Variants in NALF1 observed in about 807,000 individuals in gnomAD.
NALF1 encodes the protein NALCN channel auxiliary factor 1.
A neutral mutation model predicts 48.4 loss-of-function variants in NALF1; 3 were observed. The observed-to-expected ratio is 0.06, with a 90% CI of 0.03 to 0.16. The LOEUF (loss-of-function observed/expected upper bound fraction) is 0.16. Ranked by LOEUF, NALF1 falls within the 10% of genes least tolerant of loss-of-function variation. The probability of loss-of-function intolerance (pLI) is 1.00; values close to 1 mark genes in which losing one functional copy is unlikely to be tolerated. For missense variants in NALF1, 526 were observed against 571.5 expected (o/e 0.92, Z 0.81); for synonymous variants, 262 against 245.7 (o/e 1.07, Z -0.62).
chr13:107,208,435 C>T (rs1375543701), intron 2 of NALF1, among the ~76,000 whole-genome samples: 1 of 152,192 alleles, frequency 6.6e-6, no homozygotes, highest in African/African-American at 2.4e-5. Context: ...TAATTCTACC[C>T]TGGCATTCTG....
intron 1 of NALF1, among the ~76,000 whole-genome samples, chr13:107,783,218 C>T (rs1229578644): frequency 2.6e-4 from 32 of 121,066 alleles, no homozygotes; most frequent in East Asian, 2.6e-3. Flanking sequence ...CCCGGCCAGC[C>T]GCCCCGTCCG....
intron 1 of NALF1, among the ~76,000 whole-genome samples, chr13:107,566,270 G>A (rs1189084759): frequency 6.6e-6 from 1 of 152,158 alleles, no homozygotes; most frequent in Non-Finnish European, 1.5e-5. Context: ...GGGAAATAAG[G>A]TAACCTGCCA....
At position 107,362,494 on chromosome 13, in the gene NALF1, T is replaced by C. The variant is rs554777989; in HGVS notation, c.916-151739A>G. Among the ~76,000 whole-genome samples, 10 of 152,294 alleles carry C rather than the reference T, an allele frequency of 6.6e-5. No individual in the cohort carries two copies. The South Asian group carries it at 1.9e-3, about 28-fold the overall frequency. On this transcript the variant is annotated intron_variant, in intron 1 of 2. Transcript: ENST00000375915. This position sits in a 1 kb window ranked among gnomAD's most constrained non-coding sequence, Gnocchi z 4.6. ...TTTGCAGCTGCATGACTCCAATTTA[T>C]ACCACTGTTGTCACTTGGCATTCTC...
intron 1 of NALF1, among the ~76,000 whole-genome samples, chr13:107,318,324 T>G (rs1295727749): frequency 6.6e-6 from 1 of 152,136 alleles, no homozygotes; most frequent in Non-Finnish European, 1.5e-5. Flanking sequence ...GAATTTGTAT[T>G]CGTATCTTTT....
At chr13:107,500,251 G>A (rs979021709) in intron 1 of NALF1, among the ~76,000 whole-genome samples, 8 of 152,096 alleles carry the variant, frequency 5.3e-5, no homozygotes, top group African/African-American at 1.9e-4. Context: ...CAGAATACTT[G>A]CGACTGGGTA....
At chr13:107,577,216 A>T (rs1417715266) in intron 1 of NALF1, among the ~76,000 whole-genome samples, 1 of 152,170 alleles carries the variant, frequency 6.6e-6, no homozygotes, top group Non-Finnish European at 1.5e-5. Flanking sequence ...CATCATTCTC[A>T]TCTGCATGTT....
intron 1 of NALF1, among the ~76,000 whole-genome samples, chr13:107,459,878 A>G (rs1884889238): frequency 6.6e-6 from 1 of 152,110 alleles, no homozygotes; most frequent in South Asian, 2.1e-4. Context: ...AGTAGCTGGG[A>G]CCACCTGCGT....
chr13:107,294,550 CAT>C (rs750874209), intron 1 of NALF1, among the ~76,000 whole-genome samples: 1 of 152,220 alleles, frequency 6.6e-6, no homozygotes, highest in Non-Finnish European at 1.5e-5. Context: ...AGTGCCCTAA[CAT>C]GTGCAAGATT....
chr13:107,299,468 T>TA (rs1555331180), intron 1 of NALF1, among the ~76,000 whole-genome samples: 1 of 59,210 alleles, frequency 1.7e-5, no homozygotes, highest in Non-Finnish European at 4.8e-5. Flanking sequence ...ATAATAATAA[T>TA]AATAAATAAA....
chr13:107,384,481 A>G (rs1405842785), intron 1 of NALF1, among the ~76,000 whole-genome samples: 3 of 152,160 alleles, frequency 2.0e-5, no homozygotes, highest in Admixed American at 2.0e-4. Context: ...CTGGAGTGTG[A>G]AAATCTGTTT....
intron 1 of NALF1, among the ~76,000 whole-genome samples, chr13:107,234,424 T>C (rs1217324675): frequency 6.6e-6 from 1 of 152,146 alleles, no homozygotes; most frequent in Non-Finnish European, 1.5e-5. Flanking sequence ...ATACGTGTCC[T>C]TGAGGTGGCA....
chr13:107,742,147 T>C (rs554302670), intron 1 of NALF1, among the ~76,000 whole-genome samples: 140 of 152,336 alleles, frequency 9.2e-4, no homozygotes, highest in African/African-American at 3.2e-3. Context: ...CCTTAGCCTT[T>C]GGAAAATGTG....
chr13:107,638,146 A>T lies in NALF1; in HGVS notation c.915+227536T>A, dbSNP rs1323216565. The stretch of plus-strand genomic sequence containing the variant: ...ATCAAACATAGCAATGAACCTATAT[A>T]TGAAAGCACTTGGAGTATATATCCC... On this transcript the variant is annotated intron_variant, in intron 1 of 2. Coordinates refer to ENST00000375915, the MANE Select transcript of NALF1 (RefSeq NM_001080396.3). 2.3e-5 allele frequency among the ~76,000 whole-genome samples: 3 copies of T among 130,182 alleles called. No homozygotes were observed. In the Admixed American group the frequency reaches 2.6e-4, roughly 11 times the overall value. 85.4% of individuals were successfully genotyped at this position (130,182 alleles called of 152,430 possible).
intron 1 of NALF1, among the ~76,000 whole-genome samples, chr13:107,695,039 C>T (rs1470879954): frequency 6.6e-6 from 1 of 152,132 alleles, no homozygotes; most frequent in African/African-American, 2.4e-5. Context: ...ATGATCCATC[C>T]ACCTTGGCCT....
At chr13:107,446,152 T>C (rs1884647014) in intron 1 of NALF1, among the ~76,000 whole-genome samples, 1 of 152,166 alleles carries the variant, frequency 6.6e-6, no homozygotes, top group Non-Finnish European at 1.5e-5. Context: ...TTCGCCAGGA[T>C]GGTCTCGATC....
intron 1 of NALF1, among the ~76,000 whole-genome samples, chr13:107,379,272 G>A (rs978389233): frequency 6.6e-6 from 1 of 152,110 alleles, no homozygotes; most frequent in African/African-American, 2.4e-5. Context: ...TATAGCTTGT[G>A]TTATCACCAA....
At chr13:107,249,061 A>G (rs1320148319) in intron 1 of NALF1, among the ~76,000 whole-genome samples, 1 of 152,038 alleles carries the variant, frequency 6.6e-6, no homozygotes, top group Non-Finnish European at 1.5e-5. Context: ...GAAATGTCAG[A>G]ACATTTCCTG....
chr13:107,787,811 TG>T (rs1184489560), intron 1 of NALF1, among the ~76,000 whole-genome samples: 4 of 152,230 alleles, frequency 2.6e-5, no homozygotes, highest in Admixed American at 2.0e-4. Flanking sequence ...GAATAATAAG[TG>T]CATCTACTGA....
intron 1 of NALF1, among the ~76,000 whole-genome samples, chr13:107,749,027 A>T (rs1370329492): frequency 2.0e-5 from 3 of 152,084 alleles, no homozygotes. Context: ...ATGCTTCCCC[A>T]GTTATGATCC....
Sources: gnomAD v4.1 joint callset for allele counts (sites outside exome capture counted in the v4.1 genomes callset) on GRCh38, gnomAD v4.1.1 for gene constraint, Gnocchi (gnomAD v3.1) non-coding constraint, MANE v1.5 for transcripts, NCBI Gene and HGNC (gene_info 2026-07-23, HGNC 2026-07-21) for gene names.